The following RASGRF2 variants were observed in gnomAD, a reference collection of about 807,000 sequenced individuals.
RASGRF2 encodes ras-specific guanine nucleotide-releasing factor 2.
In RASGRF2, 76 loss-of-function variants were observed where a neutral mutation model predicts 151.0. That is an observed-to-expected ratio of 0.50 (90% CI 0.42 to 0.61). The LOEUF (loss-of-function observed/expected upper bound fraction) is 0.61, where lower values mean the gene tolerates loss of function less well. RASGRF2 is among the 20% of genes least tolerant of loss of function. RASGRF2 has a pLI of 0.00. For synonymous variants in RASGRF2, 504 were observed against 566.5 expected, an observed-to-expected ratio of 0.89 and a Z score of 1.57; for missense variants, 1,148 against 1,564.6, an observed-to-expected ratio of 0.73 and a Z score of 4.49.
At chr5:80,977,799 T>A (rs971700998) in intron 1 of RASGRF2, among the ~76,000 whole-genome samples, 2 of 152,220 alleles carry the variant, frequency 1.3e-5, no homozygotes, top group Non-Finnish European at 2.9e-5. Flanking sequence ...TTTTTTCATT[T>A]AAGTGAGGGC....
At chr5:81,016,927 C>G (rs964016517) in intron 1 of RASGRF2, among the ~76,000 whole-genome samples, 1 of 152,178 alleles carries the variant, frequency 6.6e-6, no homozygotes, top group Non-Finnish European at 1.5e-5. Flanking sequence ...GACTATTAAA[C>G]ATCCACCTAA....
chr5:81,205,390 C>T (rs1259304650), intron 19 of RASGRF2, among the ~76,000 whole-genome samples: 1 of 152,208 alleles, frequency 6.6e-6, no homozygotes, highest in African/African-American at 2.4e-5. Context: ...CTTTTGTTTC[C>T]TTATCTGTAA....
chr5:80,971,946 A>C (rs1747951083), intron 1 of RASGRF2, among the ~76,000 whole-genome samples: 1 of 149,640 alleles, frequency 6.7e-6, no homozygotes, highest in Non-Finnish European at 1.5e-5. Context: ...TTATGTTACC[A>C]AAGCTGGCAA....
intron 12 of RASGRF2, among the ~76,000 whole-genome samples, chr5:81,098,461 G>C (rs1243043207): frequency 6.6e-6 from 1 of 152,132 alleles, no homozygotes; most frequent in African/African-American, 2.4e-5. Context: ...ATAGGTAGAA[G>C]TAAGAGGGCT....
intron 10 of RASGRF2, 51 bp from the exon 11 acceptor site, chr5:81,094,245 C>A: frequency 6.9e-7 from 1 of 1,439,870 alleles, no homozygotes. Flanking sequence ...CAGAGCTTCC[C>A]AATCTACACA....
At chr5:81,109,870 G>A (rs1204556124) in intron 13 of RASGRF2, among the ~76,000 whole-genome samples, 2 of 152,112 alleles carry the variant, frequency 1.3e-5, no homozygotes, top group Non-Finnish European at 2.9e-5. Context: ...TCTCCTGTTA[G>A]GACAGAAACC....
chr5:80,971,337 C>A (rs960718968), intron 1 of RASGRF2, among the ~76,000 whole-genome samples: 1 of 152,200 alleles, frequency 6.6e-6, no homozygotes, highest in Admixed American at 6.5e-5. Flanking sequence ...AGTAAGTACT[C>A]TTTCATGTTG....
intron 1 of RASGRF2, among the ~76,000 whole-genome samples, chr5:80,990,238 C>A (rs6878778): frequency 0.093 from 13,469 of 144,400 alleles, 643 homozygotes; most frequent in African/African-American, 0.12. Flanking sequence ...TTTTTATTTT[C>A]TTTTTCTGCT....
intron 12 of RASGRF2, among the ~76,000 whole-genome samples, chr5:81,097,645 G>T (rs1245727091): frequency 6.6e-6 from 1 of 152,152 alleles, no homozygotes; most frequent in African/African-American, 2.4e-5. Context: ...TGTAGTAGGT[G>T]ATGGAGATAC....
intron 11 of RASGRF2, 102 bp from the exon 12 acceptor site, chr5:81,094,754 T>G: frequency 7.7e-7 from 1 of 1,300,968 alleles, no homozygotes; most frequent in Non-Finnish European, 1.1e-6. Context: ...AGAGTCCCGA[T>G]TTGAGTGCAA....
chr5:81,053,207 T>C (rs1580256607), intron 2 of RASGRF2, among the ~76,000 whole-genome samples: 2 of 151,866 alleles, frequency 1.3e-5, no homozygotes, highest in East Asian at 1.9e-4. Context: ...ACATGTGCCA[T>C]GTTGGTGTGC....
Position 81,060,960 on chromosome 5 carries a change from T to A in RASGRF2, c.396-7072T>A, listed in dbSNP as rs115384581. Among the ~76,000 whole-genome samples, 513 of 152,276 alleles carry A rather than the reference T, an allele frequency of 3.4e-3. 4 individuals carry two copies. Among genetic ancestry groups the A allele is most frequent in the African/African-American group, 0.012 (500 of 41,558 alleles). ...TCTCTCTTCCCTTCTCCTCTTCTGC[T>A]TATGTCTGTGTATACACTTAATTTT... On this transcript the variant is annotated intron_variant, in intron 2 of 26. Transcript: ENST00000265080.
intron 1 of RASGRF2, among the ~76,000 whole-genome samples, chr5:80,961,618 T>A (rs1050212435): frequency 1.3e-5 from 2 of 152,228 alleles, no homozygotes; most frequent in Non-Finnish European, 2.9e-5. Flanking sequence ...TGAAGGTAAA[T>A]GTGTATTCAT....
intron 1 of RASGRF2, among the ~76,000 whole-genome samples, chr5:81,042,084 C>T (rs1022610013): frequency 1.3e-5 from 2 of 151,860 alleles, no homozygotes; most frequent in African/African-American, 2.4e-5. Flanking sequence ...ATTCACTCAC[C>T]GATTAAAGGA....
In RASGRF2 at chr5:81,061,997, CAA is replaced by C. The variant is rs34991044; in HGVS notation, c.396-6009_396-6008del. The stretch of plus-strand genomic sequence containing the variant: ...AGCCACCACACCTGATCCCAGCTGA[CAA>C]AAAAAAAAAAAAAAAAAAAAAAAAA... On this transcript the variant is annotated intron_variant, in intron 2 of 26. Transcript: ENST00000265080. Among the ~76,000 whole-genome samples the C allele has an allele frequency of 3.3e-3, 145 of 44,002 alleles. 1 individual carries two copies. The highest frequency in any genetic ancestry group is 0.014 in the African/African-American group (134 of 9,398). 28.9% of individuals were successfully genotyped at this position (44,002 alleles called of 152,430 possible). A position where few individuals can be genotyped will look rare whatever the true frequency, so the allele number is the denominator to read the frequency against.
At chr5:81,107,684 G>A (rs1752882915) in intron 12 of RASGRF2, among the ~76,000 whole-genome samples, 1 of 152,072 alleles carries the variant, frequency 6.6e-6, no homozygotes, top group Admixed American at 6.6e-5. Context: ...TCTTGACTCT[G>A]TCTTATTATA....
chr5:81,114,973 T>C (rs1753112159), intron 15 of RASGRF2: 1 of 152,246 alleles, frequency 6.6e-6, no homozygotes, highest in Non-Finnish European at 1.5e-5. Context: ...GTGATTCTTG[T>C]TGCTTTTAAA....
chr5:80,994,385 A>T (rs1237943050), intron 1 of RASGRF2, among the ~76,000 whole-genome samples: 1 of 133,150 alleles, frequency 7.5e-6, no homozygotes, highest in Non-Finnish European at 1.6e-5. Context: ...AAAAAAAAAG[A>T]GGTAGTAGGT....
rs549837245 is a variant in RASGRF2, at chr5:81,000,322, A to G, written c.288+39296A>G. 1.6e-4 allele frequency among the ~76,000 whole-genome samples: 25 copies of G among 152,000 alleles called. No individual in the cohort carries two copies. In the East Asian group the frequency reaches 4.1e-3, roughly 25 times the overall value. On this transcript the variant is annotated intron_variant, in intron 1 of 26. Transcript: ENST00000265080. ...AATGGTGCGATCTTGGCTCACTTCA[A>G]CCTCCACCTCCTGGGTTCAAGCGAT...
Sources: gnomAD v4.1 joint callset for allele counts (sites outside exome capture counted in the v4.1 genomes callset) on GRCh38, gnomAD v4.1.1 for gene constraint, MANE v1.5 for transcripts, NCBI Gene and HGNC (gene_info 2026-07-23, HGNC 2026-07-21) for gene names.